Variants in RNF168 observed in about 807,000 individuals in gnomAD.
RNF168 encodes E3 ubiquitin-protein ligase RNF168.
A neutral mutation model predicts 34.9 loss-of-function variants in RNF168; 34 were observed. The ratio of observed to expected loss-of-function variants is 0.97; its 90% CI spans 0.74 to 1.30. RNF168 has a LOEUF of 1.30. RNF168 is among the 50% of genes most tolerant of loss of function. RNF168 has a pLI of 0.00. For synonymous variants in RNF168, 264 were observed against 254.7 expected, an observed-to-expected ratio of 1.04 and a Z score of -0.35; for missense variants, 725 against 682.5, an observed-to-expected ratio of 1.06 and a Z score of -0.69.
chr3:196,501,013 G>A (rs993077883), intron 1 of RNF168, among the ~76,000 whole-genome samples: 1 of 152,130 alleles, frequency 6.6e-6, no homozygotes, highest in Non-Finnish European at 1.5e-5. Context: ...GCCCGGCCCC[G>A]CAATTTTTTG....
intron 5 of RNF168, among the ~76,000 whole-genome samples, chr3:196,474,447 CTTT>C (rs78108021): frequency 4.1e-5 from 5 of 121,352 alleles, no homozygotes; most frequent in Non-Finnish European, 3.5e-5. Context: ...TTGTAATATT[CTTT>C]TTTTTTTTTT....
intron 1 of RNF168, among the ~76,000 whole-genome samples, chr3:196,501,767 C>T (rs1732892574): frequency 6.6e-6 from 1 of 152,024 alleles, no homozygotes; most frequent in Non-Finnish European, 1.5e-5. Context: ...TTAAATTGCA[C>T]ACTTTTAAAC....
intron 4 of RNF168, among the ~76,000 whole-genome samples, chr3:196,481,982 T>A (rs896237235): frequency 1.4e-5 from 2 of 143,316 alleles, no homozygotes; most frequent in African/African-American, 5.5e-5. Context: ...TTTTTTTTTT[T>A]AGAGACAGGA....
Position 196,471,213 on chromosome 3 carries a change from A to AAAT in RNF168, c.*605_*606insATT. 7.0e-6 allele frequency: 1 copy of AAAT among 142,332 alleles called. No homozygotes were observed. Among genetic ancestry groups the AAAT allele is most frequent in the Non-Finnish European group, 1.5e-5 (1 of 67,056 alleles). 8.8% of individuals were successfully genotyped at this position (142,332 alleles called of 1,614,324 possible). ...TCTGTCTCCAAAAAAAAAAAAAAAAAAAAAAAAAAAAAAAAATCTGGGATT... is the reference window on the plus strand; with the variant it reads ...TCTGTCTCCAAAAAAAAAAAAAAAAAAATAAAAAAAAAAAAAAAATCTGGGATT... On this transcript the variant is annotated 3_prime_UTR_variant, in exon 6 of 6. Coordinates refer to ENST00000318037, the MANE Select transcript of RNF168 (RefSeq NM_152617.4).
intron 4 of RNF168, among the ~76,000 whole-genome samples, chr3:196,483,090 T>C (rs954416540): frequency 6.6e-6 from 1 of 152,054 alleles, no homozygotes; most frequent in African/African-American, 2.4e-5. Flanking sequence ...ACACTGATAT[T>C]GTCACATCTT....
At chr3:196,495,532 T>C (rs1239439684) in intron 1 of RNF168, among the ~76,000 whole-genome samples, 6 of 152,234 alleles carry the variant, frequency 3.9e-5, no homozygotes, top group Admixed American at 1.3e-4. Context: ...CTACGTTTTG[T>C]AGAATTTCAA....
At chr3:196,496,781 A>C (rs1332215137) in intron 1 of RNF168, among the ~76,000 whole-genome samples, 2 of 152,188 alleles carry the variant, frequency 1.3e-5, no homozygotes, top group African/African-American at 4.8e-5. Flanking sequence ...AGACGGGAGG[A>C]CTGCTTGAGG....
chr3:196,487,368 C>T (rs774602327), intron 3 of RNF168, 31 bp downstream of exon 3: 15 of 1,574,560 alleles, frequency 9.5e-6, no homozygotes, highest in Non-Finnish European at 1.3e-5. Flanking sequence ...CAAGGGATGA[C>T]CATACCTTAG....
chr3:196,487,894 A>T (rs2108650419), intron 2 of RNF168, among the ~76,000 whole-genome samples: 1 of 152,318 alleles, frequency 6.6e-6, no homozygotes, highest in East Asian at 1.9e-4. Flanking sequence ...TATGTAATTA[A>T]AACATAATGC....
chr3:196,480,722 A>G (rs1048738097), intron 4 of RNF168, among the ~76,000 whole-genome samples: 2 of 152,180 alleles, frequency 1.3e-5, no homozygotes, highest in Non-Finnish European at 2.9e-5. Context: ...AGCTCACTGC[A>G]GCCGTAACCT....
At chr3:196,492,510 T>C (rs183835548) in intron 1 of RNF168, among the ~76,000 whole-genome samples, 3 of 152,310 alleles carry the variant, frequency 2.0e-5, no homozygotes, top group Admixed American at 2.0e-4. Flanking sequence ...GTGCCATGGC[T>C]CATGCCTGTA....
chr3:196,481,927 G>GA (rs1208099301), intron 4 of RNF168, among the ~76,000 whole-genome samples: 1 of 148,202 alleles, frequency 6.7e-6, no homozygotes, highest in Non-Finnish European at 1.5e-5. Flanking sequence ...GCCTCCCAAA[G>GA]TGCTGGGATT....
intron 5 of RNF168, 185 bp downstream of exon 5, chr3:196,475,046 T>G: frequency 1.7e-6 from 1 of 573,434 alleles, no homozygotes; most frequent in Non-Finnish European, 3.1e-6. Flanking sequence ...GTAGTATGTT[T>G]ATTTAAAAAA....
chr3:196,503,204 C>G lies in RNF168; in HGVS notation c.-31G>C. The G allele has an allele frequency of 6.3e-7, 1 of 1,594,708 alleles. No homozygotes were observed. ...TATGTTAGTAAAGCCGACTAAACAACGACACCTGCACGAAAAAGAATCCTA... is the reference window on the plus strand; with the variant it reads ...TATGTTAGTAAAGCCGACTAAACAAGGACACCTGCACGAAAAAGAATCCTA... On this transcript the variant is annotated 5_prime_UTR_variant, in exon 1 of 6. Coordinates refer to ENST00000318037, the MANE Select transcript of RNF168 (RefSeq NM_152617.4).
At chr3:196,499,224 C>T (rs1732822624) in intron 1 of RNF168, among the ~76,000 whole-genome samples, 1 of 151,946 alleles carries the variant, frequency 6.6e-6, no homozygotes, top group African/African-American at 2.4e-5. Context: ...ACAGACACAC[C>T]GGGAAACTCT....
chr3:196,486,970 C>A (rs1361515711), intron 3 of RNF168, among the ~76,000 whole-genome samples: 1 of 152,156 alleles, frequency 6.6e-6, no homozygotes, highest in Non-Finnish European at 1.5e-5. Context: ...TTGGAAGGAT[C>A]ACCGGAGCCC....
intron 1 of RNF168, among the ~76,000 whole-genome samples, chr3:196,490,951 T>C (rs1437037311): frequency 6.6e-6 from 1 of 152,216 alleles, no homozygotes; most frequent in Non-Finnish European, 1.5e-5. Flanking sequence ...TAAAGTAGAA[T>C]CTACGAAACC....
rs757633646 is a variant in RNF168 at position 196,503,095 on chromosome 3, C to T, written c.79G>A (p.Val27Ile). ...AGCGTGTGGTTACACGGGAGGGTGA[C>T]GGGCTCCACGAGGATTTCCATGCAG... Reference protein sequence around the residue: ...GICMEILVEPVTLPCNHTLCK... With the variant: ...GICMEILVEPITLPCNHTLCK... The change falls in exon 1 of 6, where the codon GTC (valine) becomes ATC (isoleucine). Residue 27 changes from valine to isoleucine, a missense_variant. Transcript: ENST00000318037. The T allele has an allele frequency of 1.5e-5, 24 of 1,613,976 alleles. No homozygotes were observed. Among genetic ancestry groups the T allele is most frequent in the Non-Finnish European group, 1.9e-5 (23 of 1,180,014 alleles).
In RNF168 at chr3:196,503,370, C is replaced by T. The variant is rs905240007; in HGVS notation, c.-197G>A. 24 of 609,604 alleles carry T rather than the reference C, an allele frequency of 3.9e-5. No homozygotes were observed. Among genetic ancestry groups the T allele is most frequent in the African/African-American group, 1.9e-4 (10 of 53,966 alleles). The allele number at this position is 609,604 out of a possible 1,614,324, so 37.8% of individuals were successfully genotyped here. A position where few individuals can be genotyped will look rare whatever the true frequency, so the allele number is the denominator to read the frequency against. ...TCTCAGGGTCAGGCAAACAGGAATA[C>T]CCCGGAGGGCGGCGTCTTTGTCCAT... On this transcript the variant is annotated 5_prime_UTR_variant, in exon 1 of 6. Transcript: ENST00000318037.
Sources: allele counts gnomAD v4.1 joint callset (sites outside exome capture counted in the v4.1 genomes callset), GRCh38; gene constraint gnomAD v4.1.1; transcripts MANE v1.5; gene names NCBI Gene and HGNC (gene_info 2026-07-23, HGNC 2026-07-21).